Variants in ZFHX3 observed in about 807,000 individuals in gnomAD.
The protein encoded by ZFHX3 is zinc finger homeobox 3.
ZFHX3 carries 42 observed loss-of-function variants against 279.1 expected under a neutral mutation model. The ratio of observed to expected loss-of-function variants is 0.15; its 90% CI spans 0.12 to 0.19. The LOEUF (loss-of-function observed/expected upper bound fraction) is 0.19, where lower values mean the gene tolerates loss of function less well. Ranked by LOEUF, ZFHX3 falls within the 10% of genes least tolerant of loss-of-function variation. ZFHX3 has a pLI of 1.00. For missense variants in ZFHX3, 4,981 were observed against 4,754.0 expected (o/e 1.05, Z -1.40); for synonymous variants, 2,293 against 1,957.8 (o/e 1.17, Z -4.52).
intron 4 of ZFHX3, among the ~76,000 whole-genome samples, chr16:73,299,361 A>G (rs530418668): frequency 5.3e-5 from 8 of 152,282 alleles, no homozygotes; most frequent in African/African-American, 1.9e-4. Context: ...ATCCCCAGCC[A>G]CCTCCTGACT....
At chr16:72,963,038 G>A (rs1961658812) in intron 1 of ZFHX3, among the ~76,000 whole-genome samples, 1 of 152,180 alleles carries the variant, frequency 6.6e-6, no homozygotes, top group Admixed American at 6.5e-5. Flanking sequence ...TACTTAAGGA[G>A]GCAGAAGTCA....
intron 3 of ZFHX3, among the ~76,000 whole-genome samples, chr16:72,940,159 G>A (rs1960342411): frequency 6.6e-6 from 1 of 151,500 alleles, no homozygotes; most frequent in Admixed American, 6.6e-5. Flanking sequence ...TGGTTCTCCT[G>A]CCTCAGCCTC....
intron 2 of ZFHX3, among the ~76,000 whole-genome samples, chr16:73,484,716 T>C (rs995753997): frequency 1.3e-5 from 2 of 152,244 alleles, no homozygotes; most frequent in Non-Finnish European, 2.9e-5. Flanking sequence ...TCCATTTTCC[T>C]ATGTTTTAGC....
intron 2 of ZFHX3, among the ~76,000 whole-genome samples, chr16:73,640,123 C>G (rs2052561035): frequency 6.6e-6 from 1 of 152,136 alleles, no homozygotes; most frequent in African/African-American, 2.4e-5. Context: ...AGAAGTGACT[C>G]TAGATTCAGA....
intron 5 of ZFHX3, among the ~76,000 whole-genome samples, chr16:73,253,112 C>T (rs1234501003): frequency 6.6e-6 from 1 of 152,176 alleles, no homozygotes; most frequent in Non-Finnish European, 1.5e-5. Context: ...TGCACCATTC[C>T]ACCCTCAACC....
intron 4 of ZFHX3, among the ~76,000 whole-genome samples, chr16:72,889,487 TAAAA>T (rs372928371): frequency 8.6e-5 from 10 of 115,896 alleles, no homozygotes; most frequent in South Asian, 2.7e-4. Context: ...CAATTTCCTT[TAAAA>T]AAAAAAAAAA....
chr16:73,562,544 C>T (rs1353627040), intron 2 of ZFHX3, among the ~76,000 whole-genome samples: 4 of 145,784 alleles, frequency 2.7e-5, no homozygotes, highest in African/African-American at 7.8e-5. Context: ...TGCAGTGACC[C>T]GAGATGGCGC....
At chr16:73,634,461 T>A (rs1383358) in intron 2 of ZFHX3, among the ~76,000 whole-genome samples, 82,882 of 140,842 alleles carry the variant, frequency 0.59, 26,311 homozygotes, top group East Asian at 0.83. Flanking sequence ...TATATATATA[T>A]AAAATATATA....
At position 72,787,466 on chromosome 16, in the gene ZFHX3, C is replaced by T. The variant is rs745550429; in HGVS notation, c.10810G>A (p.Ala3604Thr). The T allele has an allele frequency of 1.6e-5, 19 of 1,203,560 alleles. No homozygotes were observed. Among genetic ancestry groups the T allele is most frequent in the African/African-American group, 4.5e-5 (2 of 44,026 alleles). The allele number at this position is 1,203,560 out of a possible 1,614,324, so 74.6% of individuals were successfully genotyped here. ...NDSPPPPSAA[A>T]PSSASPHASR... is the part of the protein sequence containing the mutation. ...GCGTGGGGGGAAGCGGAGGAGGGGG[C>T]GGCGGCCGACGGGGGAGGGGGGCTG... is the stretch of plus-strand genomic sequence containing the variant. The change falls in exon 10 of 10, where the codon GCC becomes ACC. Residue 3604 changes from alanine (A) to threonine (T), a missense_variant. This residue lies in a region of ZFHX3 where 1,034 missense variants were observed against 786.0 expected (regional missense o/e 1.32). Coordinates refer to ENST00000268489, the MANE Select transcript of ZFHX3 (RefSeq NM_006885.4).
At chr16:72,858,097 T>C (rs1002532131) in intron 4 of ZFHX3, among the ~76,000 whole-genome samples, 2 of 151,420 alleles carry the variant, frequency 1.3e-5, no homozygotes, top group African/African-American at 4.8e-5. Flanking sequence ...ACGGCAGGGG[T>C]GGGCTTGCTT....
At chr16:73,746,272 G>A (rs962113195) in intron 1 of ZFHX3, among the ~76,000 whole-genome samples, 1 of 152,112 alleles carries the variant, frequency 6.6e-6, no homozygotes, top group African/African-American at 2.4e-5. Flanking sequence ...GGGAGGATTT[G>A]TCAGATTCAT....
chr16:73,164,413 T>C (rs1215302714), intron 5 of ZFHX3, among the ~76,000 whole-genome samples: 3 of 152,100 alleles, frequency 2.0e-5, no homozygotes. Flanking sequence ...CCTTAGGAAA[T>C]GTGGGGCCGG....
At chr16:72,934,688 G>C (rs998166041) in intron 3 of ZFHX3, among the ~76,000 whole-genome samples, 1 of 146,878 alleles carries the variant, frequency 6.8e-6, no homozygotes, top group East Asian at 2.0e-4. Context: ...TCTTGTGTCC[G>C]CATTTGACGG....
chr16:72,841,012 C>T (rs2037331919), intron 4 of ZFHX3, among the ~76,000 whole-genome samples: 1 of 152,186 alleles, frequency 6.6e-6, no homozygotes, highest in African/African-American at 2.4e-5. Context: ...TACGTATTTA[C>T]AGGTTGCACA....
chr16:73,059,041 T>C (rs1965638921), exon 1 of ZFHX3: 3 of 154,010 alleles, frequency 1.9e-5, no homozygotes, highest in African/African-American at 7.3e-5. Context: ...AAAAAGTCTT[T>C]GGATCTTTAT....
chr16:72,861,824 G>T (rs903923279), intron 4 of ZFHX3, among the ~76,000 whole-genome samples: 15 of 152,140 alleles, frequency 9.9e-5, no homozygotes, highest in African/African-American at 3.6e-4. Context: ...AGACCAGTCT[G>T]GCCAACAAGG....
intron 3 of ZFHX3, among the ~76,000 whole-genome samples, chr16:72,903,451 G>A (rs1411421332): frequency 1.3e-5 from 2 of 152,198 alleles, no homozygotes; most frequent in Non-Finnish European, 2.9e-5. Flanking sequence ...GGTTAGACAA[G>A]GCAGGCTTCT....
At chr16:72,927,659 G>A (rs961606110) in intron 3 of ZFHX3, among the ~76,000 whole-genome samples, 9 of 151,934 alleles carry the variant, frequency 5.9e-5, no homozygotes, top group Non-Finnish European at 7.4e-5. Context: ...CAGGCCCTCC[G>A]CACAGCCCCC....
intron 3 of ZFHX3, among the ~76,000 whole-genome samples, chr16:73,429,047 T>C (rs1433709433): frequency 6.6e-6 from 1 of 152,156 alleles, no homozygotes; most frequent in Non-Finnish European, 1.5e-5. Flanking sequence ...GACCCCTCCA[T>C]GTCTAGAGGA....
Sources: gnomAD v4.1 joint callset for allele counts (sites outside exome capture counted in the v4.1 genomes callset) on GRCh38, gnomAD v4.1.1 for gene constraint, gnomAD v4.1.1 regional missense constraint, MANE v1.5 for transcripts, NCBI Gene and HGNC (gene_info 2026-07-23, HGNC 2026-07-21) for gene names.